Variants in ARAP2 observed in about 807,000 individuals in gnomAD.
ARAP2 encodes ArfGAP with RhoGAP domain, ankyrin repeat and PH domain 2.
Under a neutral mutation model 194.5 loss-of-function variants are expected in ARAP2, and 148 were observed. That is an observed-to-expected ratio of 0.76 (90% confidence interval 0.67 to 0.87). The LOEUF is 0.87. Ranked by LOEUF, ARAP2 falls within the 40% of genes least tolerant of loss-of-function variation. The pLI, the probability that ARAP2 is intolerant of heterozygous loss-of-function variation, is 0.00. For synonymous variants in ARAP2, 695 were observed against 683.5 expected, an observed-to-expected ratio of 1.02 and a Z score of -0.26; for missense variants, 2,128 against 1,989.7, an observed-to-expected ratio of 1.07 and a Z score of -1.32.
intron 2 of ARAP2, among the ~76,000 whole-genome samples, chr4:36,215,563 C>T (rs989543534): frequency 8.5e-5 from 13 of 152,066 alleles, no homozygotes; most frequent in African/African-American, 1.4e-4. Flanking sequence ...AAAACTAAAA[C>T]CCTAAAAAAC....
intron 2 of ARAP2, among the ~76,000 whole-genome samples, chr4:36,226,093 A>G (rs934958417): frequency 6.6e-6 from 1 of 152,164 alleles, no homozygotes; most frequent in Non-Finnish European, 1.5e-5. Flanking sequence ...CAATGCTGCT[A>G]TTAACTACCA....
chr4:36,228,665 C>A lies in ARAP2; in HGVS notation c.822G>T (p.Leu274Phe), dbSNP rs1239709390. The A allele has an allele frequency of 6.2e-7, 1 of 1,613,890 alleles. No homozygotes were observed. The highest frequency in any genetic ancestry group is 1.3e-5 in the African/African-American group (1 of 74,906). ...GAAAAGATCGAGATGGTCTTGAAACCAACTTGCTACGACTTCTCACAGGTG... is the reference window on the plus strand; with the variant it reads ...GAAAAGATCGAGATGGTCTTGAAACAAACTTGCTACGACTTCTCACAGGTG... ...ILAPVRSRSK[L>F]VSRPSRSFLL... The change falls in exon 2 of 33, where the codon TTG becomes TTT. Residue 274 changes from leucine (L) to phenylalanine (F), a missense_variant. By Grantham distance (22) the Leu-to-Phe change is conservative (BLOSUM62 0). Transcript: ENST00000303965.
At chr4:36,093,134 T>A (rs1391555122) in intron 27 of ARAP2, among the ~76,000 whole-genome samples, 1 of 152,018 alleles carries the variant, frequency 6.6e-6, no homozygotes, top group Non-Finnish European at 1.5e-5. Context: ...TGTGCTCACT[T>A]ATAAGTAGGA....
At chr4:36,211,429 T>A (rs1168305350) in intron 5 of ARAP2, among the ~76,000 whole-genome samples, 1 of 152,136 alleles carries the variant, frequency 6.6e-6, no homozygotes, top group Non-Finnish European at 1.5e-5. Context: ...ATAGATCAAC[T>A]CATTCATTAA....
intron 19 of ARAP2, among the ~76,000 whole-genome samples, chr4:36,134,832 C>T (rs1028950134): frequency 6.6e-6 from 1 of 151,518 alleles, no homozygotes; most frequent in Non-Finnish European, 1.5e-5. Flanking sequence ...CAGAATTATA[C>T]TCCAGGTAAA....
chr4:36,185,978 C>CAAAAAAAAAAAAAAAAAAAAAAAA (rs1054588041), intron 8 of ARAP2, among the ~76,000 whole-genome samples: 1 of 135,152 alleles, frequency 7.4e-6, no homozygotes, highest in African/African-American at 2.8e-5. Context: ...AACTCTGTCT[C>CAAAAAAAAAAAAAAAAAAAAAAAA]AAAAAAAAAA....
chr4:36,152,984 A>T (rs1443384285), intron 15 of ARAP2, among the ~76,000 whole-genome samples: 1 of 152,236 alleles, frequency 6.6e-6, no homozygotes, highest in African/African-American at 2.4e-5. Context: ...GGAGCCATTC[A>T]AAGGTCTTAA....
In ARAP2 at chr4:36,083,362, C is replaced by T. The variant is rs1346149321; in HGVS notation, c.4508+6G>A. On this transcript the variant is annotated splice_donor_region_variant and intron_variant, in intron 29 of 32. Coordinates refer to ENST00000303965, the MANE Select transcript of ARAP2 (RefSeq NM_015230.4). Reference sequence around the variant, plus strand: ...TTCCTTTCAGCACTTCCCTTTCAAACTTTACCTTGTTGGAGGCTTCATTTT... The same window carrying T: ...TTCCTTTCAGCACTTCCCTTTCAAATTTTACCTTGTTGGAGGCTTCATTTT... 2.5e-6 allele frequency: 4 copies of T among 1,594,536 alleles called. No individual in the cohort carries two copies. The highest frequency in any genetic ancestry group is 2.6e-6 in the Non-Finnish European group (3 of 1,169,300).
intron 15 of ARAP2, 37 bp from the exon 16 acceptor site, chr4:36,151,081 T>A (rs1476643746): frequency 3.2e-6 from 5 of 1,544,134 alleles, no homozygotes; most frequent in Non-Finnish European, 4.4e-6. Flanking sequence ...CAAATTGAGC[T>A]AATCACGAAT....
At chr4:36,224,199 C>G (rs1749773210) in intron 2 of ARAP2, among the ~76,000 whole-genome samples, 1 of 147,866 alleles carries the variant, frequency 6.8e-6, no homozygotes, top group Non-Finnish European at 1.5e-5. Flanking sequence ...TGTGGATCAT[C>G]ATTTCACAAA....
At chr4:36,008,192 T>A (rs1713713808) in intron 9 of ARAP2, among the ~76,000 whole-genome samples, 1 of 152,122 alleles carries the variant, frequency 6.6e-6, no homozygotes, top group Non-Finnish European at 1.5e-5. Flanking sequence ...AGAAAAAATC[T>A]ATTCTAAAAT....
intron 20 of ARAP2, among the ~76,000 whole-genome samples, chr4:36,131,256 G>A (rs1390163118): frequency 2.0e-5 from 3 of 151,190 alleles, no homozygotes; most frequent in Admixed American, 1.3e-4. Flanking sequence ...TACTATCATA[G>A]CAGGAAGCTT....
intron 5 of ARAP2, among the ~76,000 whole-genome samples, chr4:36,034,899 T>G (rs1050424443): frequency 2.6e-5 from 4 of 152,124 alleles, no homozygotes; most frequent in African/African-American, 9.6e-5. Context: ...ATTTATTGAT[T>G]TGCATATGTT....
At chr4:36,111,020 G>A (rs1719838284) in intron 26 of ARAP2, among the ~76,000 whole-genome samples, 1 of 151,648 alleles carries the variant, frequency 6.6e-6, no homozygotes, top group Non-Finnish European at 1.5e-5. Context: ...GGTTATCTCA[G>A]GACAGTAAAG....
chr4:36,114,300 T>C lies in ARAP2; in HGVS notation c.4039-13A>G. On this transcript the variant is annotated splice_polypyrimidine_tract_variant and intron_variant, in intron 25 of 32. Coordinates refer to ENST00000303965, the MANE Select transcript of ARAP2 (RefSeq NM_015230.4). ...TCACAGGAGATATCTGTAAGAGAAG[T>C]AATATTTTTTCAAAAAACGTGTTAG... 1 of 1,521,014 alleles carries C rather than the reference T, an allele frequency of 6.6e-7. No individual in the cohort carries two copies. The highest frequency in any genetic ancestry group is 9.0e-7 in the Non-Finnish European group (1 of 1,109,756). 94.2% of individuals were successfully genotyped at this position (1,521,014 alleles called of 1,614,324 possible).
chr4:36,160,661 A>C lies in ARAP2; in HGVS notation c.2260-20T>G. ...AAAAAGCTGAATTGTCAAAAAAAAA[A>C]CCCCATAATATATCAGTTCATAAAA... On this transcript the variant is annotated intron_variant, in intron 12 of 32. Coordinates refer to ENST00000303965, the MANE Select transcript of ARAP2 (RefSeq NM_015230.4). 7.0e-7 allele frequency: 1 copy of C among 1,431,134 alleles called. No individual in the cohort carries two copies. Among genetic ancestry groups the C allele is most frequent in the African/African-American group, 1.5e-5 (1 of 67,018 alleles). The allele number at this position is 1,431,134 out of a possible 1,614,324, so 88.7% of individuals were successfully genotyped here. A position where few individuals can be genotyped will look rare whatever the true frequency, so the allele number is the denominator to read the frequency against.
At chr4:36,197,739 G>T (rs191380939) in intron 6 of ARAP2, among the ~76,000 whole-genome samples, 1 of 152,198 alleles carries the variant, frequency 6.6e-6, no homozygotes, top group Non-Finnish European at 1.5e-5. Flanking sequence ...CTGCTGCAGC[G>T]GGGCAGCCAG....
At position 36,107,549 on chromosome 4, in the gene ARAP2, A is replaced by C; in HGVS notation, c.4285+16T>G. 1 of 1,595,012 alleles carries C rather than the reference A, an allele frequency of 6.3e-7. No homozygotes were observed. Among genetic ancestry groups the C allele is most frequent in the Non-Finnish European group, 8.5e-7 (1 of 1,171,704 alleles). On this transcript the variant is annotated intron_variant, in intron 27 of 32. Transcript: ENST00000303965. Reference sequence around the variant, plus strand: ...AATTTTCAATCATAGCTGCAATGTGAAGTAATGACACCTACCACTGCAGTG... The same window carrying C: ...AATTTTCAATCATAGCTGCAATGTGCAGTAATGACACCTACCACTGCAGTG...
downstream of ARAP2, among the ~76,000 whole-genome samples, chr4:36,062,474 T>G (rs1241438869): frequency 2.0e-5 from 3 of 152,178 alleles, no homozygotes; most frequent in Non-Finnish European, 2.9e-5. Flanking sequence ...TACACCGTCT[T>G]GATCTGCCTG....
Sources: allele counts gnomAD v4.1 joint callset (sites outside exome capture counted in the v4.1 genomes callset), GRCh38; gene constraint gnomAD v4.1.1; transcripts MANE v1.5; gene names NCBI Gene and HGNC (gene_info 2026-07-23, HGNC 2026-07-21).